PPP2R3B: variants seen among roughly 807,000 people sequenced by gnomAD.
PPP2R3B encodes the protein protein phosphatase 2 regulatory subunit B''beta.
PPP2R3B carries 68 observed loss-of-function variants against 72.9 expected under a neutral mutation model. The observed-to-expected ratio is 0.93, with a 90% CI of 0.77 to 1.14. The LOEUF (loss-of-function observed/expected upper bound fraction) is 1.14, where lower values mean the gene tolerates loss of function less well. PPP2R3B is among the 50% of genes most tolerant of loss of function. The pLI, the probability that PPP2R3B is intolerant of heterozygous loss-of-function variation, is 0.00. For synonymous variants in PPP2R3B, 466 were observed against 375.8 expected, an observed-to-expected ratio of 1.24 and a Z score of -2.78; for missense variants, 1,018 against 842.0, an observed-to-expected ratio of 1.21 and a Z score of -2.59.
At chrX:346,798 C>A (rs768972513) in intron 4 of PPP2R3B, 23 bp from the exon 5 acceptor site, 10 of 1,602,108 alleles carry the variant, frequency 6.2e-6, no homozygotes, top group Middle Eastern at 2.1e-4. Context: ...AGACACGAGG[C>A]GCGTGGTGTA....
chrX:376,337 C>G (rs1253251100), intron 1 of PPP2R3B, among the ~76,000 whole-genome samples: 1 of 152,198 alleles, frequency 6.6e-6, no homozygotes, highest in Admixed American at 6.5e-5. Flanking sequence ...CCCTTGCGTC[C>G]TGTCCCGATG....
intron 1 of PPP2R3B, among the ~76,000 whole-genome samples, chrX:365,402 G>C (rs1209043373): frequency 2.9e-5 from 1 of 34,134 alleles, no homozygotes; most frequent in Non-Finnish European, 4.5e-5. Flanking sequence ...GATTAACCAG[G>C]TGTGGTGGCG....
Position 341,929 on chromosome X carries a change from G to T in PPP2R3B, c.1039C>A (p.Leu347Ile), listed in dbSNP as rs190650453. 1.0e-3 allele frequency: 1,691 copies of T among 1,612,714 alleles called. 29 individuals are homozygous for T. The African/African-American group carries it at 0.02, about 19-fold the overall frequency. The change falls in exon 8 of 13, where the codon CTT becomes ATT. Residue 347 changes from leucine (L) to isoleucine (I), a missense_variant and splice_region_variant. Physicochemically the swap from Leu to Ile is conservative, Grantham distance 5. Transcript: ENST00000390665. The stretch of plus-strand genomic sequence containing the variant: ...ATCCTGTCTATCATCTTGGTAGAAA[G>T]GGCTGGAAAGGAATGCGGTTGATGG... Reference protein sequence around the residue: ...DDLARHNDHALSTKMIDRIFS... With the variant: ...DDLARHNDHAISTKMIDRIFS...
At chrX:361,690 A>G in intron 1 of PPP2R3B, 100 bp from the exon 2 acceptor site, 1 of 1,386,284 alleles carries the variant, frequency 7.2e-7, no homozygotes, top group Non-Finnish European at 1.0e-6. Context: ...GACAGTGCTG[A>G]GGCCACCTGA....
intron 2 of PPP2R3B, among the ~76,000 whole-genome samples, chrX:352,451 C>T (rs1342490997): frequency 1.3e-5 from 2 of 152,264 alleles, no homozygotes; most frequent in East Asian, 1.9e-4. Flanking sequence ...CAACGGGACC[C>T]GGCCATCTGC....
chrX:364,414 C>G lies in PPP2R3B; in HGVS notation c.325-2824G>C, dbSNP rs1180191937. On this transcript the variant is annotated intron_variant, in intron 1 of 12. Transcript: ENST00000390665. ...ACCGGCCGGGCTCGTGCCTGCAATC[C>G]TGGCGCTTTGAAAGGAGGCTGAGGG... Among the ~76,000 whole-genome samples the G allele has an allele frequency of 2.0e-5, 3 of 150,684 alleles. 1 individual carries two copies. Among genetic ancestry groups the G allele is most frequent in the South Asian group, 2.1e-4 (1 of 4,778 alleles).
chrX:338,647 T>C lies in PPP2R3B; in HGVS notation c.1534A>G (p.Ile512Val), dbSNP rs753196530. ...WEKYAAEEYD[I>V]LVAEETAGEP... ...CCCGCAGTCTCCTCGGCCACCAGGATGTCGTACTCCTCGGCCGCGTACTTC... is the reference window on the plus strand; with the variant it reads ...CCCGCAGTCTCCTCGGCCACCAGGACGTCGTACTCCTCGGCCGCGTACTTC... Residue 512 changes from isoleucine to valine, a missense_variant, in exon 12 of 13, where the codon ATC becomes GTC. By Grantham distance (29) the Ile-to-Val change is conservative. Coordinates refer to ENST00000390665, the MANE Select transcript of PPP2R3B (RefSeq NM_013239.5). The C allele has an allele frequency of 1.9e-6, 3 of 1,611,092 alleles. No homozygotes were observed. Among genetic ancestry groups the C allele is most frequent in the Admixed American group, 1.7e-5 (1 of 59,976 alleles).
chrX:342,113 G>C, intron 7 of PPP2R3B, 182 bp from the exon 8 acceptor site: 1 of 683,610 alleles, frequency 1.5e-6, no homozygotes, highest in Non-Finnish European at 2.6e-6. Context: ...ACGCTTTCCC[G>C]TCGAGCAGAG....
intron 12 of PPP2R3B, chrX:334,814 C>CT (rs1253114951): frequency 5.0e-5 from 18 of 358,980 alleles, no homozygotes; most frequent in Non-Finnish European, 1.0e-5. Context: ...CCAAAGCGAG[C>CT]TGCACGGGAC....
At chrX:385,349 G>A (rs1332270578) in intron 1 of PPP2R3B, among the ~76,000 whole-genome samples, 1 of 81,522 alleles carries the variant, frequency 1.2e-5, no homozygotes, top group Non-Finnish European at 2.2e-5. Context: ...TTTTTTTTGA[G>A]ATGGAGTCTT....
In PPP2R3B at chrX:339,039, G is replaced by A. The variant is rs191356690; in HGVS notation, c.1352-143C>T. 4.0e-3 allele frequency: 3,028 copies of A among 753,008 alleles called. 11 individuals carry two copies. Among genetic ancestry groups the A allele is most frequent in the Non-Finnish European group, 6.2e-3 (2,642 of 428,140 alleles). The allele number at this position is 753,008 out of a possible 1,614,324, so 46.6% of individuals were successfully genotyped here. On this transcript the variant is annotated intron_variant, in intron 10 of 12. Transcript: ENST00000390665. ...CTCACGCCACGTGTTTGACGTGAAA[G>A]GCGGACACGCGAGTGTCCTGGTTCT...
At position 345,628 on chromosome X, in the gene PPP2R3B, G is replaced by T; in HGVS notation, c.924C>A (p.Thr308=). 6.2e-7 allele frequency: 1 copy of T among 1,613,118 alleles called. No homozygotes were observed. The highest frequency in any genetic ancestry group is 8.5e-7 in the Non-Finnish European group (1 of 1,179,536). ...AGAAATGCTCGTACGAGAAGAATTC[G>T]GTCAGCTGGTTGATGTCCGCCTCCT... ...LEEEADINQL[T]EFFSYEHFYV... The change falls in exon 7 of 13, where the codon ACC becomes ACA. Residue 308 remains threonine (T), a synonymous_variant. Transcript: ENST00000390665.
intron 5 of PPP2R3B, 35 bp downstream of exon 5, chrX:346,666 C>G: frequency 6.3e-7 from 1 of 1,582,834 alleles, no homozygotes; most frequent in Non-Finnish European, 8.6e-7. Flanking sequence ...CCGCGCCCCG[C>G]GCTGGAACCG....
chrX:345,077 A>C, intron 7 of PPP2R3B: 1 of 438,250 alleles, frequency 2.3e-6, no homozygotes, highest in Non-Finnish European at 4.5e-6. Flanking sequence ...GCTCCCGCGG[A>C]GGTATATGAA....
intron 12 of PPP2R3B, chrX:334,890 C>CCT: frequency 4.7e-6 from 1 of 213,090 alleles, no homozygotes; most frequent in Non-Finnish European, 9.2e-6. Flanking sequence ...ACAGTTTAGA[C>CCT]ACATTCTCCC....
intron 1 of PPP2R3B, among the ~76,000 whole-genome samples, chrX:368,018 G>T (rs180851186): frequency 6.6e-6 from 1 of 152,238 alleles, no homozygotes; most frequent in East Asian, 1.9e-4. Flanking sequence ...CTTTATCCAT[G>T]CCTGACAACG....
chrX:345,802 TG>T, intron 6 of PPP2R3B, 130 bp from the exon 7 acceptor site: 1 of 147,488 alleles, frequency 6.8e-6, no homozygotes, highest in Non-Finnish European at 1.1e-5. Flanking sequence ...ACTGGGCAGC[TG>T]GGGCCGGGGG....
rs747721939 is a variant in PPP2R3B at position 341,007 on chromosome X, A to AGCCCCTGGGGCAGCCCCTGG, written c.1176-68_1176-67insCCAGGGGCTGCCCCAGGGGC. On this transcript the variant is annotated intron_variant, in intron 9 of 12. Transcript: ENST00000390665. ...CCCAGCCCGTGACCTGCAGCCCCTG[A>AGCCCCTGGGGCAGCCCCTGG]GGCAGCCCCCACCGGGGGTGCACGC... 3.2e-4 allele frequency: 497 copies of AGCCCCTGGGGCAGCCCCTGG among 1,566,756 alleles called. 3 individuals carry two copies. The African/African-American group carries it at 5.4e-3, about 17-fold the overall frequency.
At chrX:359,381 C>T (rs1303381684) in intron 2 of PPP2R3B, among the ~76,000 whole-genome samples, 2 of 152,228 alleles carry the variant, frequency 1.3e-5, no homozygotes, top group East Asian at 1.9e-4. Context: ...TCACTCCACA[C>T]GGGACAAGGA....
Sources: allele counts gnomAD v4.1 joint callset (sites outside exome capture counted in the v4.1 genomes callset), GRCh38; gene constraint gnomAD v4.1.1; transcripts MANE v1.5; gene names NCBI Gene and HGNC (gene_info 2026-07-23, HGNC 2026-07-21).